The following GAS7 variants were observed in gnomAD, a reference collection of about 807,000 sequenced individuals.
GAS7 encodes growth arrest specific 7, also known as growth arrest-specific protein 7.
In GAS7, 28 loss-of-function variants were observed where a neutral mutation model predicts 71.1. The ratio of observed to expected loss-of-function variants is 0.39; its 90% confidence interval spans 0.29 to 0.54. GAS7 has a LOEUF of 0.54. Among genes scored for constraint, GAS7 ranks in the 20% least tolerant of loss-of-function variants. The pLI is 0.62. For missense variants in GAS7, 436 were observed against 627.8 expected, an observed-to-expected ratio of 0.69 and a Z score of 3.27; for synonymous variants, 258 against 245.8, an observed-to-expected ratio of 1.05 and a Z score of -0.46.
At chr17:10,085,077 C>T (rs546219895) in intron 1 of GAS7, among the ~76,000 whole-genome samples, 7 of 152,230 alleles carry the variant, frequency 4.6e-5, no homozygotes, top group Non-Finnish European at 1.0e-4. Flanking sequence ...ACTTCCTGGC[C>T]TCACACTGCT....
At chr17:10,030,486 G>C (rs1049478480) in intron 1 of GAS7, among the ~76,000 whole-genome samples, 8 of 152,216 alleles carry the variant, frequency 5.3e-5, no homozygotes, top group Non-Finnish European at 8.8e-5. Flanking sequence ...AAGGGGGTCA[G>C]GTGCATGAGG....
intron 9 of GAS7, among the ~76,000 whole-genome samples, chr17:9,930,008 G>T (rs188773095): frequency 9.2e-5 from 14 of 152,288 alleles, no homozygotes; most frequent in Admixed American, 7.2e-4. Flanking sequence ...GAGAATAAGA[G>T]AAGTTCCAAG....
At chr17:10,195,636 T>C (rs919667577) in intron 1 of GAS7, among the ~76,000 whole-genome samples, 1 of 152,146 alleles carries the variant, frequency 6.6e-6, no homozygotes, top group Non-Finnish European at 1.5e-5. Flanking sequence ...CAGCACCACA[T>C]TGGCTGACAT....
At chr17:9,949,253 C>G (rs2152101667) in intron 5 of GAS7, among the ~76,000 whole-genome samples, 2 of 152,222 alleles carry the variant, frequency 1.3e-5, no homozygotes, top group Admixed American at 1.3e-4. Context: ...CAGCTCTTGC[C>G]AAGTGTCGTC....
intron 1 of GAS7, among the ~76,000 whole-genome samples, chr17:10,128,765 G>A (rs1216908151): frequency 2.0e-5 from 3 of 151,622 alleles, no homozygotes; most frequent in South Asian, 2.1e-4. Flanking sequence ...GATTACAGGC[G>A]CCCACCACCG....
chr17:10,005,068 T>TACACACAC (rs2071425102), intron 2 of GAS7, among the ~76,000 whole-genome samples: 1 of 135,630 alleles, frequency 7.4e-6, no homozygotes, highest in African/African-American at 3.2e-5. Context: ...TATGTGTGTA[T>TACACACAC]GCACGCATAC....
intron 1 of GAS7, among the ~76,000 whole-genome samples, chr17:10,165,129 CA>C (rs35413861): frequency 3.2e-3 from 399 of 123,958 alleles, no homozygotes; most frequent in South Asian, 7.8e-3. Flanking sequence ...CTAAAAAATA[CA>C]AAAAAAAAAA....
chr17:9,949,308 C>T (rs922731539), intron 5 of GAS7, among the ~76,000 whole-genome samples: 4 of 152,124 alleles, frequency 2.6e-5, no homozygotes, highest in Admixed American at 1.3e-4. Context: ...TGTGATGACT[C>T]GAGGGAAGCT....
At chr17:10,059,000 A>T (rs2073185805) in intron 1 of GAS7, among the ~76,000 whole-genome samples, 1 of 152,252 alleles carries the variant, frequency 6.6e-6, no homozygotes, top group South Asian at 2.1e-4. Flanking sequence ...ACATCAGGGT[A>T]TGCTGTCCAC....
intron 2 of GAS7, among the ~76,000 whole-genome samples, chr17:9,993,661 T>A (rs540699079): frequency 0.028 from 4,158 of 150,996 alleles, 187 homozygotes; most frequent in African/African-American, 0.095. Flanking sequence ...TTCAACATAG[T>A]GTTGGAAGTT....
chr17:10,020,117 G>A, intron 1 of GAS7: 2 of 495,866 alleles, frequency 4.0e-6, no homozygotes, highest in Non-Finnish European at 3.7e-6. Context: ...CCTGCACAGA[G>A]GACAGCTCCT....
intron 1 of GAS7, among the ~76,000 whole-genome samples, chr17:10,176,193 C>A (rs986266486): frequency 6.6e-6 from 1 of 152,092 alleles, no homozygotes; most frequent in East Asian, 1.9e-4. Context: ...AGAATTCCAA[C>A]AGCTTTCCTA....
intron 1 of GAS7, among the ~76,000 whole-genome samples, chr17:10,105,173 T>G (rs1051258998): frequency 1.3e-5 from 2 of 152,112 alleles, no homozygotes; most frequent in Non-Finnish European, 2.9e-5. Context: ...AAACATGCCA[T>G]GCGTATTCCT....
intron 1 of GAS7, among the ~76,000 whole-genome samples, chr17:10,028,823 C>T (rs569444623): frequency 1.3e-4 from 20 of 152,222 alleles, no homozygotes; most frequent in African/African-American, 3.4e-4. Context: ...AAAGTGAATT[C>T]GTTATGTACA....
chr17:10,019,137 G>C (rs1043827258), intron 2 of GAS7, among the ~76,000 whole-genome samples: 1 of 152,108 alleles, frequency 6.6e-6, no homozygotes, highest in Non-Finnish European at 1.5e-5. Flanking sequence ...GTCATTTGAA[G>C]GCCTGGGAGG....
chr17:10,025,488 T>C (rs2072431595), intron 1 of GAS7, among the ~76,000 whole-genome samples: 1 of 151,724 alleles, frequency 6.6e-6, no homozygotes, highest in African/African-American at 2.4e-5. Context: ...GCCGTCACGT[T>C]CCCTAGCTGT....
intron 1 of GAS7, among the ~76,000 whole-genome samples, chr17:10,027,670 C>A (rs2072501774): frequency 6.6e-6 from 1 of 152,202 alleles, no homozygotes; most frequent in Non-Finnish European, 1.5e-5. Context: ...AGACAACAGT[C>A]CTCACCAGAC....
At chr17:9,984,740 G>T (rs1277391242) in intron 2 of GAS7, among the ~76,000 whole-genome samples, 1 of 152,126 alleles carries the variant, frequency 6.6e-6, no homozygotes, top group Non-Finnish European at 1.5e-5. Flanking sequence ...GCATTAATTG[G>T]GTTCACCTGT....
chr17:9,976,898 C>A (rs2070228961), intron 3 of GAS7, among the ~76,000 whole-genome samples: 1 of 152,176 alleles, frequency 6.6e-6, no homozygotes, highest in Admixed American at 6.5e-5. Flanking sequence ...GCACTGTTGA[C>A]ACAAAAGCCA....
Sources: gnomAD v4.1 joint callset for allele counts (sites outside exome capture counted in the v4.1 genomes callset) on GRCh38, gnomAD v4.1.1 for gene constraint, MANE v1.5 for transcripts, NCBI Gene and HGNC (gene_info 2026-07-23, HGNC 2026-07-21) for gene names.